NEDD4: variants seen among roughly 807,000 people sequenced by gnomAD.
NEDD4 encodes the protein NEDD4 E3 ubiquitin protein ligase, also known as E3 ubiquitin-protein ligase NEDD4.
Under a neutral mutation model 144.9 loss-of-function variants are expected in NEDD4, and 99 were observed. The ratio of observed to expected loss-of-function variants is 0.68; its 90% confidence interval spans 0.58 to 0.81. NEDD4 has a LOEUF of 0.81. Among genes scored for constraint, NEDD4 ranks in the 30% least tolerant of loss-of-function variants. The probability of loss-of-function intolerance (pLI) is 0.00; values close to 1 mark genes in which losing one functional copy is unlikely to be tolerated. For missense variants in NEDD4, 985 were observed against 1,065.9 expected, an observed-to-expected ratio of 0.92 and a Z score of 1.06; for synonymous variants, 318 against 350.6, an observed-to-expected ratio of 0.91 and a Z score of 1.04.
chr15:55,945,819 A>G (rs2142287469), intron 4 of NEDD4, among the ~76,000 whole-genome samples: 2 of 152,294 alleles, frequency 1.3e-5, no homozygotes, highest in African/African-American at 4.8e-5. Context: ...CTCTCAGCAG[A>G]AACCTTACAA....
intron 5 of NEDD4, among the ~76,000 whole-genome samples, chr15:55,903,035 T>C (rs1165266937): frequency 6.6e-6 from 1 of 151,856 alleles, no homozygotes; most frequent in Non-Finnish European, 1.5e-5. Context: ...AAAAGAAATA[T>C]TTGCGAGAGA....
In NEDD4 at chr15:55,876,201, T is replaced by G. The variant is rs374184981; in HGVS notation, c.292-2193A>C. Among the ~76,000 whole-genome samples, 50 of 152,190 alleles carry G rather than the reference T, an allele frequency of 3.3e-4. 1 individual carries two copies. The South Asian group carries it at 0.01, about 32-fold the overall frequency. On this transcript the variant is annotated intron_variant, in intron 5 of 28. Coordinates refer to ENST00000435532, the MANE Select transcript of NEDD4 (RefSeq NM_006154.4). ...AAAATAAAGATACTTTCGGATAAAGTAGAGATAATTTGTCATCAGCAGACA... is the reference window on the plus strand; with the variant it reads ...AAAATAAAGATACTTTCGGATAAAGGAGAGATAATTTGTCATCAGCAGACA...
chr15:55,892,721 T>C (rs2035611770), intron 5 of NEDD4, among the ~76,000 whole-genome samples: 1 of 152,210 alleles, frequency 6.6e-6, no homozygotes, highest in Non-Finnish European at 1.5e-5. Context: ...TGCCTATCCA[T>C]CCCTTTAGAG....
intron 4 of NEDD4, among the ~76,000 whole-genome samples, chr15:55,939,127 C>CAAACAAAT (rs1223958113): frequency 6.6e-6 from 1 of 151,200 alleles, no homozygotes; most frequent in Admixed American, 6.6e-5. Context: ...CAACAACAAA[C>CAAACAAAT]AAAAAAACCC....
intron 5 of NEDD4, among the ~76,000 whole-genome samples, chr15:55,923,656 A>AAAG (rs1555404576): frequency 7.3e-6 from 1 of 137,478 alleles, no homozygotes; most frequent in Non-Finnish European, 1.6e-5. Context: ...AAAAAAAAAA[A>AAAG]AAAATATATA....
At chr15:55,863,786 C>T (rs1281052985) in intron 8 of NEDD4, among the ~76,000 whole-genome samples, 5 of 151,980 alleles carry the variant, frequency 3.3e-5, no homozygotes, top group East Asian at 1.9e-4. Context: ...ACCTTGCTTA[C>T]GGTAGAAATC....
rs546138957 is a variant in NEDD4, at chr15:55,838,409, T to C, written c.2127+100A>G. On this transcript the variant is annotated intron_variant, in intron 22 of 28. Transcript: ENST00000435532. ...ACAGCTTTTGTTACTGGGAAATGAA[T>C]GTAAAAACAGAGCCTAGGAATGTAT... 9.5e-4 allele frequency: 812 copies of C among 853,464 alleles called. 3 individuals are homozygous for C. The highest frequency in any genetic ancestry group is 2.4e-3 in the South Asian group (157 of 64,712). 52.9% of individuals were successfully genotyped at this position (853,464 alleles called of 1,614,324 possible). A position where few individuals can be genotyped will look rare whatever the true frequency, so the allele number is the denominator to read the frequency against.
intron 4 of NEDD4, among the ~76,000 whole-genome samples, chr15:55,951,173 T>C (rs1233317620): frequency 6.6e-6 from 1 of 152,254 alleles, no homozygotes; most frequent in Non-Finnish European, 1.5e-5. Flanking sequence ...TTTACTAGAA[T>C]AAGATAATTC....
At chr15:55,897,469 G>T (rs2035775237) in intron 5 of NEDD4, among the ~76,000 whole-genome samples, 1 of 151,850 alleles carries the variant, frequency 6.6e-6, no homozygotes, top group Non-Finnish European at 1.5e-5. Context: ...AATATCAAAA[G>T]AAGATGGTAT....
At chr15:55,835,504 C>T (rs1250672925) in intron 24 of NEDD4, among the ~76,000 whole-genome samples, 2 of 146,686 alleles carry the variant, frequency 1.4e-5, no homozygotes, top group Non-Finnish European at 3.0e-5. Flanking sequence ...TGCTGGTGTT[C>T]CCAGGTCTCT....
chr15:55,904,101 A>G (rs999801349), intron 5 of NEDD4, among the ~76,000 whole-genome samples: 5 of 151,822 alleles, frequency 3.3e-5, no homozygotes, highest in Non-Finnish European at 5.9e-5. Flanking sequence ...GGCGGAGGTC[A>G]CAGAGAGCCG....
At chr15:55,847,921 C>A (rs1324648786) in intron 17 of NEDD4, among the ~76,000 whole-genome samples, 1 of 152,134 alleles carries the variant, frequency 6.6e-6, no homozygotes. Flanking sequence ...CTCAGGTGAT[C>A]CACCTGCCTT....
At chr15:55,840,820 C>A (rs1446118652) in intron 19 of NEDD4, 93 bp from the exon 20 acceptor site, 11 of 1,287,346 alleles carry the variant, frequency 8.5e-6, no homozygotes, top group East Asian at 4.7e-5. Flanking sequence ...AGTTGTTTAC[C>A]ACTGTTAGAA....
intron 5 of NEDD4, among the ~76,000 whole-genome samples, chr15:55,910,297 C>T (rs2036230177): frequency 6.6e-6 from 1 of 152,064 alleles, no homozygotes; most frequent in Non-Finnish European, 1.5e-5. Context: ...GGCTTTTAAC[C>T]CCGCATTCTC....
At chr15:55,888,206 T>G (rs1242521869) in intron 5 of NEDD4, among the ~76,000 whole-genome samples, 1 of 152,152 alleles carries the variant, frequency 6.6e-6, no homozygotes, top group Non-Finnish European at 1.5e-5. Flanking sequence ...TCCTTGTTTG[T>G]AGATGATATG....
intron 1 of NEDD4, among the ~76,000 whole-genome samples, chr15:55,974,884 TTCCTTTC>T (rs2037672498): frequency 3.9e-5 from 5 of 127,478 alleles, no homozygotes; most frequent in Non-Finnish European, 8.0e-5. Context: ...TCCATTTCTT[TTCCTTTC>T]TTTTTTTTTT....
At chr15:55,915,977 A>G in intron 5 of NEDD4, 1 of 1,613,884 alleles carries the variant, frequency 6.2e-7, no homozygotes, top group Non-Finnish European at 8.5e-7. Context: ...TCAGAAGAGT[A>G]CACAGACTTG....
At chr15:55,977,042 T>G (rs2037714346) in intron 1 of NEDD4, among the ~76,000 whole-genome samples, 1 of 152,216 alleles carries the variant, frequency 6.6e-6, no homozygotes, top group Non-Finnish European at 1.5e-5. Flanking sequence ...CAGTAGCTTG[T>G]ATGCCTTTCT....
chr15:55,852,626 T>C (rs1392088452), intron 12 of NEDD4, 83 bp from the exon 13 acceptor site: 1 of 1,318,372 alleles, frequency 7.6e-7, no homozygotes, highest in Non-Finnish European at 1.0e-6. Context: ...TCTGTCCCTA[T>C]GTCTACTCTC....
Sources: gnomAD v4.1 joint callset for allele counts (sites outside exome capture counted in the v4.1 genomes callset) on GRCh38, gnomAD v4.1.1 for gene constraint, MANE v1.5 for transcripts, NCBI Gene and HGNC (gene_info 2026-07-23, HGNC 2026-07-21) for gene names.